The following EPB41 variants were observed in gnomAD, a reference collection of about 807,000 sequenced individuals.
EPB41 encodes protein 4.1.
A neutral mutation model predicts 108.0 loss-of-function variants in EPB41; 65 were observed. The ratio of observed to expected loss-of-function variants is 0.60; its 90% CI spans 0.49 to 0.74. The LOEUF is 0.74. Among genes scored for constraint, EPB41 ranks in the 30% least tolerant of loss-of-function variants. EPB41 has a pLI of 0.00. For synonymous variants in EPB41, 336 were observed against 358.9 expected, an observed-to-expected ratio of 0.94 and a Z score of 0.72; for missense variants, 875 against 1,037.0, an observed-to-expected ratio of 0.84 and a Z score of 2.15.
At position 28,887,195 on chromosome 1, in the gene EPB41, G is replaced by A. The variant is rs1031406654; in HGVS notation, c.-23G>A. ...CCAGAACGCGGTCGGCCCGGTCCCC[G>A]CCGCACCCAGCCCAGGTGAGCCTGG... On this transcript the variant is annotated 5_prime_UTR_variant, in exon 1 of 17. Transcript: ENST00000347529. This position sits in a 1 kb window ranked among gnomAD's most constrained non-coding sequence, Gnocchi z 4.9. 2.4e-6 allele frequency: 3 copies of A among 1,269,556 alleles called. No homozygotes were observed. In the African/African-American group the frequency reaches 4.6e-5, roughly 19 times the overall value. 78.6% of individuals were successfully genotyped at this position (1,269,556 alleles called of 1,614,324 possible).
chr1:28,990,613 C>T (rs1008089798), intron 2 of EPB41, among the ~76,000 whole-genome samples: 9 of 151,774 alleles, frequency 5.9e-5, no homozygotes, highest in African/African-American at 2.2e-4. Flanking sequence ...TAGAGACGGT[C>T]TTGCTTTGTT....
At chr1:29,087,333 A>G (rs758082835) in intron 16 of EPB41, among the ~76,000 whole-genome samples, 1 of 152,084 alleles carries the variant, frequency 6.6e-6, no homozygotes, top group Non-Finnish European at 1.5e-5. Flanking sequence ...CATTTGTTGG[A>G]GTGGCAGCAA....
chr1:29,081,315 A>G (rs1375582258), intron 16 of EPB41, among the ~76,000 whole-genome samples: 2 of 152,194 alleles, frequency 1.3e-5, no homozygotes, highest in African/African-American at 4.8e-5. Context: ...GGCTTTTTAA[A>G]AGCACTGTAC....
In EPB41 at chr1:29,109,403, C is replaced by A. The variant is rs1218343067; in HGVS notation, c.2381C>A (p.Thr794Asn). Residue 794 changes from threonine (T) to asparagine (N), a missense_variant, in exon 18 of 21, where the codon ACC becomes AAC. Thr to Asn is a moderately conservative substitution (Grantham distance 65, BLOSUM62 0). This residue lies in a region of EPB41 where 519 missense variants were observed against 627.3 expected (regional missense o/e 0.83). Transcript: ENST00000343067. ...ACAGCTCAAACTATCACATCTGAGA[C>A]CCCAAGCAGCACCACCACAACTCAA... ...LLTAQTITSE[T>N]PSSTTTTQIT... The A allele has an allele frequency of 6.2e-6, 10 of 1,614,078 alleles. No individual in the cohort carries two copies. The highest frequency in any genetic ancestry group is 8.5e-6 in the Non-Finnish European group (10 of 1,180,014).
At chr1:29,036,801 G>A (rs1459118513) in intron 10 of EPB41, among the ~76,000 whole-genome samples, 14 of 151,036 alleles carry the variant, frequency 9.3e-5, no homozygotes, top group African/African-American at 3.4e-4. Flanking sequence ...CCAGTCTCCT[G>A]AGCAGCTGGG....
intron 16 of EPB41, among the ~76,000 whole-genome samples, chr1:29,091,775 A>G (rs550015765): frequency 1.3e-5 from 2 of 152,260 alleles, no homozygotes; most frequent in East Asian, 1.9e-4. Flanking sequence ...TCCATCTTTC[A>G]TATCCTAAGT....
intron 1 of EPB41, among the ~76,000 whole-genome samples, chr1:28,961,034 CAAAAAAAAAA>C (rs1272961367): frequency 2.0e-5 from 1 of 51,140 alleles, no homozygotes; most frequent in African/African-American, 6.9e-5. Context: ...AACCCTGTCT[CAAAAAAAAAA>C]AAAAAAAAAA....
chr1:28,965,040 A>G (rs1216636448), intron 1 of EPB41, among the ~76,000 whole-genome samples: 1 of 152,180 alleles, frequency 6.6e-6, no homozygotes, highest in Non-Finnish European at 1.5e-5. Flanking sequence ...TTGAGGGTAG[A>G]AGCCACATCT....
chr1:29,112,702 A>C (rs1221387427), intron 19 of EPB41, among the ~76,000 whole-genome samples: 5 of 152,196 alleles, frequency 3.3e-5, no homozygotes, highest in Non-Finnish European at 7.3e-5. Flanking sequence ...GGTTCTTAAT[A>C]TATTCTAGCT....
intron 8 of EPB41, 85 bp downstream of exon 8, chr1:29,030,572 CAT>C: frequency 9.6e-7 from 1 of 1,039,642 alleles, no homozygotes; most frequent in African/African-American, 1.6e-5. Flanking sequence ...ACATCTGTGT[CAT>C]ATAATACTTT....
At chr1:29,033,356 A>G (rs952149573) in intron 9 of EPB41, 111 bp downstream of exon 9, 8 of 1,267,528 alleles carry the variant, frequency 6.3e-6, no homozygotes, top group African/African-American at 4.4e-5. Flanking sequence ...ATAGTTAACT[A>G]TTGAAGGGCT....
At chr1:29,070,757 A>T in intron 16 of EPB41, 1 of 1,170,032 alleles carries the variant, frequency 8.5e-7, no homozygotes, top group Non-Finnish European at 1.1e-6. Flanking sequence ...TTTCTGTCAA[A>T]TGTTACTCTT....
intron 1 of EPB41, among the ~76,000 whole-genome samples, chr1:28,983,923 T>C (rs749188263): frequency 6.6e-6 from 1 of 150,436 alleles, no homozygotes; most frequent in Non-Finnish European, 1.5e-5. Context: ...TCTTGTCCGG[T>C]GTCCAGGAAA....
intron 1 of EPB41, among the ~76,000 whole-genome samples, chr1:28,943,034 T>TA (rs1275522126): frequency 6.6e-6 from 1 of 152,222 alleles, no homozygotes; most frequent in Non-Finnish European, 1.5e-5. Flanking sequence ...TGGGAAATCT[T>TA]ACTGTCATTT....
rs1327041961 is a variant in EPB41, at chr1:28,987,816, A to G, written c.379A>G (p.Ile127Val). Residue 127 changes from isoleucine to valine, a missense_variant, in exon 2 of 21, where the codon ATT becomes GTT. Coordinates refer to ENST00000343067, the MANE Select transcript of EPB41 (RefSeq NM_001376013.1). ...TGGAACCAGTCTTGATGAAGAGATC[A>G]TTTTAAAGGCCCCAATTGCAGCTCC... ...EFGTSLDEEI[I>V]LKAPIAAPEP... 1.2e-5 allele frequency: 19 copies of G among 1,614,222 alleles called. No homozygotes were observed. Among genetic ancestry groups the G allele is most frequent in the Non-Finnish European group, 1.6e-5 (19 of 1,180,040 alleles).
At chr1:29,030,048 G>A (rs946535945) in intron 7 of EPB41, among the ~76,000 whole-genome samples, 7 of 152,118 alleles carry the variant, frequency 4.6e-5, no homozygotes, top group East Asian at 1.9e-4. Flanking sequence ...AAAAATTAGC[G>A]GGAGGAGCTT....
At chr1:29,110,572 G>A (rs528786964) in intron 18 of EPB41, among the ~76,000 whole-genome samples, 1 of 152,228 alleles carries the variant, frequency 6.6e-6, no homozygotes, top group Non-Finnish European at 1.5e-5. Flanking sequence ...TCTAAAATTG[G>A]AACTACCCCC....
chr1:29,069,487 C>A, intron 16 of EPB41: 1 of 1,181,312 alleles, frequency 8.5e-7, no homozygotes, highest in Non-Finnish European at 1.0e-6. Context: ...ACATTATAAA[C>A]TTTTATACTT....
intron 1 of EPB41, among the ~76,000 whole-genome samples, chr1:28,933,678 G>A (rs1424110336): frequency 3.3e-5 from 5 of 152,074 alleles, no homozygotes; most frequent in Non-Finnish European, 7.4e-5. Flanking sequence ...TATCGGCCAG[G>A]TGTTTTACAA....
Sources: gnomAD v4.1 joint callset for allele counts (sites outside exome capture counted in the v4.1 genomes callset) on GRCh38, gnomAD v4.1.1 for gene constraint, gnomAD v4.1.1 regional missense constraint, Gnocchi (gnomAD v3.1) non-coding constraint, MANE v1.5 for transcripts, NCBI Gene and HGNC (gene_info 2026-07-23, HGNC 2026-07-21) for gene names.